LYN: variants seen among roughly 807,000 people sequenced by gnomAD.
The protein encoded by LYN is tyrosine-protein kinase Lyn.
Under a neutral mutation model 65.0 loss-of-function variants are expected in LYN, and 12 were observed. The ratio of observed to expected loss-of-function variants is 0.18; its 90% CI spans 0.12 to 0.30. The LOEUF (loss-of-function observed/expected upper bound fraction) is 0.30. Ranked by LOEUF, LYN falls within the 10% of genes least tolerant of loss-of-function variation. The probability of loss-of-function intolerance (pLI) is 1.00; values close to 1 mark genes in which losing one functional copy is unlikely to be tolerated. For missense variants in LYN, 380 were observed against 623.2 expected, an observed-to-expected ratio of 0.61 and a Z score of 4.16; for synonymous variants, 222 against 221.2, an observed-to-expected ratio of 1.00 and a Z score of -0.03.
At chr8:55,903,127 G>A (rs181534195) in intron 1 of LYN, among the ~76,000 whole-genome samples, 4 of 152,320 alleles carry the variant, frequency 2.6e-5, no homozygotes, top group East Asian at 1.9e-4. Flanking sequence ...GATTACATGC[G>A]TGAGCCACTG....
intron 4 of LYN, among the ~76,000 whole-genome samples, 194 bp downstream of exon 4, chr8:55,947,917 G>A (rs111304364): frequency 1.9e-4 from 29 of 152,208 alleles, no homozygotes; most frequent in East Asian, 7.7e-4. Context: ...CTTTTAAGTC[G>A]GTCTGTGAGC....
intron 10 of LYN, among the ~76,000 whole-genome samples, chr8:55,982,757 T>A (rs1807963515): frequency 6.6e-6 from 1 of 152,164 alleles, no homozygotes; most frequent in Non-Finnish European, 1.5e-5. Context: ...TCCAAGACTC[T>A]GTCCTCTCCC....
At chr8:55,970,755 T>C (rs886960352) in intron 10 of LYN, among the ~76,000 whole-genome samples, 3 of 152,144 alleles carry the variant, frequency 2.0e-5, no homozygotes, top group African/African-American at 7.2e-5. Context: ...TAGAGCATCG[T>C]GGGCTAAGCT....
chr8:55,919,492 C>T (rs1471402670), intron 1 of LYN, among the ~76,000 whole-genome samples: 1 of 152,142 alleles, frequency 6.6e-6, no homozygotes, highest in Non-Finnish European at 1.5e-5. Context: ...TAGAAATTGA[C>T]TGATTTTACC....
intron 7 of LYN, among the ~76,000 whole-genome samples, chr8:55,952,999 G>A (rs886099592): frequency 3.3e-5 from 5 of 152,126 alleles, no homozygotes; most frequent in Admixed American, 6.5e-5. Flanking sequence ...TGACCTGCTC[G>A]AAGGGGATGC....
chr8:56,006,803 G>A (rs1287410642), intron 12 of LYN, among the ~76,000 whole-genome samples: 1 of 152,224 alleles, frequency 6.6e-6, no homozygotes, highest in African/African-American at 2.4e-5. Context: ...CTTTAACTTA[G>A]CGACAGGCCA....
intron 1 of LYN, among the ~76,000 whole-genome samples, chr8:55,907,457 A>G (rs1210817488): frequency 2.0e-5 from 3 of 152,224 alleles, no homozygotes; most frequent in Admixed American, 1.3e-4. Context: ...TGAGGTGTCA[A>G]GGAAGCTCTG....
chr8:55,945,039 C>CT (rs1341941298), intron 2 of LYN, among the ~76,000 whole-genome samples: 4 of 152,166 alleles, frequency 2.6e-5, no homozygotes, highest in Non-Finnish European at 5.9e-5. Context: ...CCATAACCAA[C>CT]ACTCTCAGCC....
chr8:55,906,191 C>T (rs1381096335), intron 1 of LYN, among the ~76,000 whole-genome samples: 3 of 152,000 alleles, frequency 2.0e-5, no homozygotes, highest in Non-Finnish European at 1.5e-5. Context: ...AGGATTTAAT[C>T]GGGGTTGGTT....
chr8:55,964,019 A>G (rs1563316155), intron 8 of LYN, among the ~76,000 whole-genome samples: 1 of 152,210 alleles, frequency 6.6e-6, no homozygotes, highest in Non-Finnish European at 1.5e-5. Flanking sequence ...GTACTTTACA[A>G]TAACTCTTAA....
intron 1 of LYN, among the ~76,000 whole-genome samples, chr8:55,931,162 AAT>A (rs1806259872): frequency 6.8e-6 from 1 of 147,728 alleles, no homozygotes; most frequent in Non-Finnish European, 1.5e-5. Context: ...TTTTAAATAA[AAT>A]ATATTATATT....
intron 8 of LYN, among the ~76,000 whole-genome samples, chr8:55,958,298 A>AT (rs1807177823): frequency 6.6e-6 from 1 of 152,194 alleles, no homozygotes; most frequent in African/African-American, 2.4e-5. Flanking sequence ...CTTAACATAT[A>AT]TTCAGGTGGT....
At chr8:55,969,686 A>T (rs771193955) in intron 9 of LYN, 31 bp from the exon 10 acceptor site, 6 of 1,526,138 alleles carry the variant, frequency 3.9e-6, no homozygotes, top group Non-Finnish European at 4.5e-6. Flanking sequence ...TGTGTTTGGA[A>T]TGCACTAACT....
At chr8:55,915,703 T>C (rs1043524918) in intron 1 of LYN, among the ~76,000 whole-genome samples, 3 of 151,978 alleles carry the variant, frequency 2.0e-5, no homozygotes, top group Non-Finnish European at 4.4e-5. Flanking sequence ...CAAGACTCCG[T>C]CTCAAAAAAT....
intron 10 of LYN, among the ~76,000 whole-genome samples, chr8:55,973,224 C>T (rs1807659990): frequency 6.6e-6 from 1 of 152,160 alleles, no homozygotes; most frequent in South Asian, 2.1e-4. Flanking sequence ...GTGCACGTGA[C>T]AGCCTCACAG....
chr8:55,933,832 T>C (rs1372366865), intron 1 of LYN, among the ~76,000 whole-genome samples: 1 of 152,186 alleles, frequency 6.6e-6, no homozygotes, highest in African/African-American at 2.4e-5. Context: ...GTAAATGCAG[T>C]GATTAAAACT....
intron 1 of LYN, among the ~76,000 whole-genome samples, chr8:55,918,909 C>T (rs558055250): frequency 4.0e-5 from 6 of 149,878 alleles, no homozygotes; most frequent in East Asian, 3.9e-4. Context: ...ACTTCAGCAG[C>T]GAGAATGGGC....
chr8:56,003,701 A>G (rs1808595663), intron 12 of LYN, among the ~76,000 whole-genome samples: 1 of 151,842 alleles, frequency 6.6e-6, no homozygotes, highest in South Asian at 2.1e-4. Flanking sequence ...AAGTCATATC[A>G]TATACTTAGC....
Position 56,010,958 on chromosome 8 carries a change from A to G in LYN, c.*848A>G, listed in dbSNP as rs770873268. ...ATATCCAGATTTGTTTTGACAATGT[A>G]GTTTGGAAGAACTAAGATTCTAATC... On this transcript the variant is annotated 3_prime_UTR_variant, in exon 13 of 13. Transcript: ENST00000519728. The G allele has an allele frequency of 9.1e-5, 21 of 231,964 alleles. No individual in the cohort carries two copies. Among genetic ancestry groups the G allele is most frequent in the Non-Finnish European group, 1.7e-4 (20 of 117,314 alleles). The allele number at this position is 231,964 out of a possible 1,614,324, so 14.4% of individuals were successfully genotyped here. A position where few individuals can be genotyped will look rare whatever the true frequency, so the allele number is the denominator to read the frequency against.
Sources: allele counts gnomAD v4.1 joint callset (sites outside exome capture counted in the v4.1 genomes callset), GRCh38; gene constraint gnomAD v4.1.1; transcripts MANE v1.5; gene names NCBI Gene and HGNC (gene_info 2026-07-23, HGNC 2026-07-21).